Variants in DPP6 observed in about 807,000 individuals in gnomAD.
DPP6 encodes the protein dipeptidyl peptidase like 6.
A neutral mutation model predicts 122.6 loss-of-function variants in DPP6; 69 were observed. The observed-to-expected ratio is 0.56, with a 90% CI of 0.46 to 0.69. The LOEUF (loss-of-function observed/expected upper bound fraction) is 0.69. Ranked by LOEUF, DPP6 falls within the 30% of genes least tolerant of loss-of-function variation. The pLI is 0.00. For synonymous variants in DPP6, 418 were observed against 433.1 expected, an observed-to-expected ratio of 0.97 and a Z score of 0.43; for missense variants, 928 against 1,116.9, an observed-to-expected ratio of 0.83 and a Z score of 2.41.
At chr7:154,113,871 A>G (rs1356501826) in intron 1 of DPP6, among the ~76,000 whole-genome samples, 3 of 152,250 alleles carry the variant, frequency 2.0e-5, no homozygotes, top group African/African-American at 2.4e-5. Context: ...GGCACTAACT[A>G]TAATGGTGAA....
At chr7:153,843,695 A>G in the DPP6 span, among the ~76,000 whole-genome samples, 1 of 152,228 alleles carries the variant, frequency 6.6e-6, no homozygotes, top group African/African-American at 2.4e-5. Context: ...GAAGTACAGT[A>G]TGCAGAGATA....
At position 154,516,592 on chromosome 7, in the gene DPP6, C is replaced by T. The variant is rs149897369; in HGVS notation, c.458-23940C>T. Among the ~76,000 whole-genome samples the T allele has an allele frequency of 1.3e-4, 20 of 152,300 alleles. No individual in the cohort carries two copies. The East Asian group carries it at 3.5e-3, about 26-fold the overall frequency. ...GGGAAGCACAATTATAATATTTATT[C>T]ACTTGAGTAGGACTCTATCCTCTGA... On this transcript the variant is annotated intron_variant, in intron 3 of 25. Coordinates refer to ENST00000377770, the MANE Select transcript of DPP6 (RefSeq NM_130797.4).
intron 1 of DPP6, among the ~76,000 whole-genome samples, chr7:153,933,392 C>T (rs1801264750): frequency 6.6e-6 from 1 of 152,182 alleles, no homozygotes; most frequent in Admixed American, 6.5e-5. Context: ...CCCTTTTGTT[C>T]TGTCCAATTT....
At chr7:154,165,922 T>C (rs548029404) in intron 1 of DPP6, among the ~76,000 whole-genome samples, 1 of 152,330 alleles carries the variant, frequency 6.6e-6, no homozygotes, top group Admixed American at 6.5e-5. Context: ...TGGAGCTTAC[T>C]TATCCTACCA....
At position 154,758,100 on chromosome 7, in the gene DPP6, G is replaced by T. The variant is rs556662882; in HGVS notation, c.884-11317G>T. ...AGGTGGGCAAACACTGCCTCTTGCA[G>T]ACATGTTCTTGCCTGTGCCCTGTCC... On this transcript the variant is annotated intron_variant, in intron 8 of 25. Coordinates refer to ENST00000377770, the MANE Select transcript of DPP6 (RefSeq NM_130797.4). Among the ~76,000 whole-genome samples the T allele has an allele frequency of 3.8e-4, 58 of 152,348 alleles. No homozygotes were observed. In the South Asian group the frequency reaches 6.0e-3, roughly 16 times the overall value.
intron 4 of DPP6, among the ~76,000 whole-genome samples, chr7:154,548,481 T>C (rs559296552): frequency 8.4e-4 from 121 of 144,312 alleles, no homozygotes; most frequent in African/African-American, 3.0e-3. Context: ...TGAGCCGAGA[T>C]GGTGCCATTG....
At chr7:153,886,390 A>G (rs973485495), upstream of DPP6, among the ~76,000 whole-genome samples, 3 of 152,060 alleles carry the variant, frequency 2.0e-5, no homozygotes, top group Middle Eastern at 3.2e-3. Context: ...GAGGTTAGAG[A>G]AATGGGCGCT....
intron 1 of DPP6, among the ~76,000 whole-genome samples, chr7:154,130,095 C>T (rs10952461): frequency 0.44 from 65,767 of 148,982 alleles, 15,113 homozygotes; most frequent in Non-Finnish European, 0.52. Flanking sequence ...TCCCCCCACA[C>T]ACACAAAAAA....
chr7:153,914,301 C>T (rs1471244681), intron 1 of DPP6, among the ~76,000 whole-genome samples: 1 of 152,122 alleles, frequency 6.6e-6, no homozygotes, highest in African/African-American at 2.4e-5. Context: ...TTCATAAAAC[C>T]TCTTTTTCTG....
At chr7:154,315,564 G>A (rs935941410) in intron 1 of DPP6, among the ~76,000 whole-genome samples, 1 of 151,958 alleles carries the variant, frequency 6.6e-6, no homozygotes, top group African/African-American at 2.4e-5. Context: ...CACATCAGTA[G>A]GAATGTACTC....
intron 1 of DPP6, among the ~76,000 whole-genome samples, chr7:153,913,266 G>A (rs990461167): frequency 6.6e-6 from 1 of 152,040 alleles, no homozygotes; most frequent in Non-Finnish European, 1.5e-5. Context: ...GTAGAGACAG[G>A]GTATCACCAT....
At chr7:154,184,836 A>G (rs1798275567) in intron 1 of DPP6, among the ~76,000 whole-genome samples, 1 of 152,190 alleles carries the variant, frequency 6.6e-6, no homozygotes, top group South Asian at 2.1e-4. Context: ...AGCAGAAGCA[A>G]TCAGCAGCCA....
chr7:154,609,208 G>A (rs969613232), intron 5 of DPP6, among the ~76,000 whole-genome samples: 3 of 152,188 alleles, frequency 2.0e-5, no homozygotes, highest in Non-Finnish European at 4.4e-5. Context: ...TTGTATCCAT[G>A]TGTACGTAAT....
At chr7:154,243,664 G>A (rs149391445) in intron 1 of DPP6, among the ~76,000 whole-genome samples, 7,635 of 151,890 alleles carry the variant, frequency 0.05, 634 homozygotes, top group African/African-American at 0.17. Flanking sequence ...GCATGGTGGC[G>A]GGTGCCTGTA....
At chr7:154,144,612 TG>T (rs1796001536) in intron 1 of DPP6, among the ~76,000 whole-genome samples, 1 of 149,104 alleles carries the variant, frequency 6.7e-6, no homozygotes, top group Non-Finnish European at 1.5e-5. Flanking sequence ...TTTAGAAGAA[TG>T]GCAAAGTTGA....
chr7:153,901,020 A>T (rs1585004877), intron 1 of DPP6, among the ~76,000 whole-genome samples: 1 of 152,274 alleles, frequency 6.6e-6, no homozygotes, highest in Non-Finnish European at 1.5e-5. Flanking sequence ...ATTTTTGGCT[A>T]TGATTACTTA....
chr7:153,926,211 C>T (rs1459985805), intron 1 of DPP6, among the ~76,000 whole-genome samples: 1 of 152,178 alleles, frequency 6.6e-6, no homozygotes, highest in African/African-American at 2.4e-5. Flanking sequence ...TCATGTACAC[C>T]TTTCTATCTT....
intron 16 of DPP6, among the ~76,000 whole-genome samples, chr7:154,828,847 G>A (rs918912222): frequency 3.3e-5 from 5 of 152,128 alleles, no homozygotes; most frequent in Non-Finnish European, 7.3e-5. Context: ...ACTGACTTTT[G>A]TTTCAGAGTC....
intron 16 of DPP6, among the ~76,000 whole-genome samples, chr7:154,811,201 T>C (rs1234225052): frequency 1.3e-5 from 2 of 152,188 alleles, no homozygotes; most frequent in Non-Finnish European, 2.9e-5. Flanking sequence ...ATCCCACTTA[T>C]AAAAAGAGAT....
Sources: allele counts gnomAD v4.1 joint callset (sites outside exome capture counted in the v4.1 genomes callset), GRCh38; gene constraint gnomAD v4.1.1; transcripts MANE v1.5; gene names NCBI Gene and HGNC (gene_info 2026-07-23, HGNC 2026-07-21).